Variants in SMURF1 observed in about 807,000 individuals in gnomAD.
SMURF1 encodes the protein SMAD specific E3 ubiquitin protein ligase 1.
SMURF1 carries 44 observed loss-of-function variants against 98.0 expected under a neutral mutation model. The observed-to-expected ratio is 0.45, with a 90% CI of 0.35 to 0.58. The LOEUF (loss-of-function observed/expected upper bound fraction) is 0.58. SMURF1 is among the 20% of genes least tolerant of loss of function. The pLI, the probability that SMURF1 is intolerant of heterozygous loss-of-function variation, is 0.00. For synonymous variants in SMURF1, 396 were observed against 374.9 expected (o/e 1.06, Z -0.65); for missense variants, 687 against 938.4 (o/e 0.73, Z 3.50).
At chr7:99,134,548 T>C (rs1797943826) in intron 1 of SMURF1, among the ~76,000 whole-genome samples, 1 of 152,240 alleles carries the variant, frequency 6.6e-6, no homozygotes, top group Admixed American at 6.5e-5. Flanking sequence ...TATATCACAT[T>C]GAAGTTACCA....
At chr7:99,123,209 G>A (rs1474301771) in intron 1 of SMURF1, among the ~76,000 whole-genome samples, 1 of 152,000 alleles carries the variant, frequency 6.6e-6, no homozygotes, top group Non-Finnish European at 1.5e-5. Context: ...ATAGCCAGTA[G>A]CAGTGTAAGC....
intron 1 of SMURF1, among the ~76,000 whole-genome samples, chr7:99,104,624 G>A (rs946741008): frequency 2.0e-5 from 3 of 152,130 alleles, no homozygotes; most frequent in African/African-American, 7.2e-5. Context: ...TGTGTGAACG[G>A]TTTCCATGTC....
chr7:99,073,452 G>A (rs73399244), intron 1 of SMURF1, among the ~76,000 whole-genome samples: 4,485 of 137,016 alleles, frequency 0.033, 233 homozygotes, highest in African/African-American at 0.11. Flanking sequence ...AGATTCATAA[G>A]ATCATTTAAA....
intron 1 of SMURF1, among the ~76,000 whole-genome samples, chr7:99,117,952 A>G (rs1182835760): frequency 6.6e-6 from 1 of 152,092 alleles, no homozygotes; most frequent in Non-Finnish European, 1.5e-5. Context: ...TCTCTAAGGA[A>G]GATATACAAA....
intron 12 of SMURF1, among the ~76,000 whole-genome samples, 174 bp from the exon 13 acceptor site, chr7:99,040,730 G>C (rs1234551220): frequency 6.6e-6 from 1 of 152,224 alleles, no homozygotes; most frequent in Non-Finnish European, 1.5e-5. Flanking sequence ...TTGTGTAGCA[G>C]AAATTTGCCT....
At chr7:99,063,629 G>A (rs1261745319) in intron 1 of SMURF1, among the ~76,000 whole-genome samples, 1 of 151,736 alleles carries the variant, frequency 6.6e-6, no homozygotes, top group African/African-American at 2.4e-5. Flanking sequence ...TCCATTTAAA[G>A]TGTGCAATAC....
At chr7:99,064,255 G>T (rs1162271963) in intron 1 of SMURF1, among the ~76,000 whole-genome samples, 1 of 151,966 alleles carries the variant, frequency 6.6e-6, no homozygotes, top group East Asian at 1.9e-4. Flanking sequence ...ATCTAGTTTT[G>T]GTATCAGAGT....
rs143694013 is a variant in SMURF1 at position 99,043,878 on chromosome 7, C to T, written c.1257-1646G>A. ...AAGAAAGGGGAAGCTATGGGACGCC[C>T]AGGACAATGGACCTCACCCAGGGAA... is the stretch of plus-strand genomic sequence containing the variant. On this transcript the variant is annotated intron_variant, in intron 11 of 17. Coordinates refer to ENST00000361368, the MANE Select transcript of SMURF1 (RefSeq NM_181349.3). 4.1e-3 allele frequency among the ~76,000 whole-genome samples: 630 copies of T among 152,232 alleles called. 5 individuals carry two copies. Among genetic ancestry groups the T allele is most frequent in the Admixed American group, 8.4e-3 (128 of 15,294 alleles).
chr7:99,081,841 T>C (rs1213235108), intron 1 of SMURF1, among the ~76,000 whole-genome samples: 2 of 152,140 alleles, frequency 1.3e-5, no homozygotes, highest in Non-Finnish European at 2.9e-5. Flanking sequence ...TTAGTAGAGA[T>C]GGGGTTTTGC....
intron 13 of SMURF1, 107 bp downstream of exon 13, chr7:99,040,271 C>T: frequency 2.5e-6 from 3 of 1,199,964 alleles, no homozygotes; most frequent in Non-Finnish European, 3.3e-6. Context: ...TGGCTTCACA[C>T]ACATCCCCAA....
At chr7:99,118,855 C>A (rs1019041370) in intron 1 of SMURF1, among the ~76,000 whole-genome samples, 6 of 151,762 alleles carry the variant, frequency 4.0e-5, no homozygotes, top group Non-Finnish European at 8.8e-5. Flanking sequence ...TAAGATAGTT[C>A]CTATTTATTT....
chr7:99,064,062 G>A (rs1183643770), intron 1 of SMURF1, among the ~76,000 whole-genome samples: 1 of 152,158 alleles, frequency 6.6e-6, no homozygotes, highest in Non-Finnish European at 1.5e-5. Context: ...TTGATACGGT[G>A]CGTGACATTA....
chr7:99,088,916 C>A (rs1212305953), intron 1 of SMURF1, among the ~76,000 whole-genome samples: 3 of 151,668 alleles, frequency 2.0e-5, no homozygotes, highest in South Asian at 2.1e-4. Context: ...AACACACACA[C>A]AAAAAAAGGC....
At chr7:99,083,223 T>C (rs1204512914) in intron 1 of SMURF1, among the ~76,000 whole-genome samples, 1 of 152,170 alleles carries the variant, frequency 6.6e-6, no homozygotes, top group South Asian at 2.1e-4. Context: ...ATGTGAGTTA[T>C]CTCAATAAAA....
rs577457602 is a variant in SMURF1 at position 99,029,212 on chromosome 7, A to G, written c.*1372T>C. ...CAGCAGTGAAATGTCTTGCTCATGA[A>G]TTACCCTGTACTTGCCCCCACCCCA... On this transcript the variant is annotated 3_prime_UTR_variant, in exon 18 of 18. Coordinates refer to ENST00000361368, the MANE Select transcript of SMURF1 (RefSeq NM_181349.3). 6.5e-6 allele frequency: 1 copy of G among 152,812 alleles called. No individual in the cohort carries two copies. The highest frequency in any genetic ancestry group is 2.4e-5 in the African/African-American group (1 of 41,586). The allele number at this position is 152,812 out of a possible 1,614,324, so 9.5% of individuals were successfully genotyped here.
intron 1 of SMURF1, among the ~76,000 whole-genome samples, chr7:99,119,594 G>C (rs1797550179): frequency 6.6e-6 from 1 of 152,136 alleles, no homozygotes; most frequent in African/African-American, 2.4e-5. Flanking sequence ...CATCATAATA[G>C]AAGCTGGAAG....
chr7:99,125,748 G>C (rs1384972660), intron 1 of SMURF1, among the ~76,000 whole-genome samples: 1 of 152,184 alleles, frequency 6.6e-6, no homozygotes, highest in Non-Finnish European at 1.5e-5. Context: ...TGCTACTCCA[G>C]TCCCTGGATC....
intron 1 of SMURF1, among the ~76,000 whole-genome samples, chr7:99,063,289 A>AAGATT (rs1465515083): frequency 3.7e-5 from 1 of 27,178 alleles, no homozygotes; most frequent in African/African-American, 8.9e-5. Flanking sequence ...ATATATATAT[A>AAGATT]TATATATATA....
At chr7:99,061,663 G>T in intron 2 of SMURF1, 136 bp downstream of exon 2, 1 of 561,794 alleles carries the variant, frequency 1.8e-6, no homozygotes, top group Non-Finnish European at 3.0e-6. Context: ...GGGAAATAAA[G>T]CTTGGAGAAC....
Sources: allele counts gnomAD v4.1 joint callset (sites outside exome capture counted in the v4.1 genomes callset), GRCh38; gene constraint gnomAD v4.1.1; transcripts MANE v1.5; gene names NCBI Gene and HGNC (gene_info 2026-07-23, HGNC 2026-07-21).